SLC35F4: variants seen among roughly 807,000 people sequenced by gnomAD.
SLC35F4 encodes the protein chromosome 14 open reading frame 36.
In SLC35F4, 24 loss-of-function variants were observed where a neutral mutation model predicts 44.2. That is an observed-to-expected ratio of 0.54 (90% CI 0.39 to 0.76). The LOEUF is 0.76. SLC35F4 is among the 30% of genes least tolerant of loss of function. The pLI, the probability that SLC35F4 is intolerant of heterozygous loss-of-function variation, is 0.00. For missense variants in SLC35F4, 562 were observed against 586.1 expected (o/e 0.96, Z 0.42); for synonymous variants, 238 against 223.6 (o/e 1.06, Z -0.57).
chr14:57,861,375 T>A (rs575592928), intron 1 of SLC35F4, among the ~76,000 whole-genome samples: 1 of 152,332 alleles, frequency 6.6e-6, no homozygotes, highest in South Asian at 2.1e-4. Flanking sequence ...CTAGTTTCCA[T>A]ACACTATCTC....
intron 1 of SLC35F4, among the ~76,000 whole-genome samples, chr14:57,609,845 G>A (rs776447977): frequency 1.3e-5 from 2 of 152,048 alleles, no homozygotes; most frequent in South Asian, 2.1e-4. Context: ...TTGCCCCTCC[G>A]CTTCCCCACA....
chr14:57,714,096 A>C (rs1049298430), intron 1 of SLC35F4, among the ~76,000 whole-genome samples: 2 of 152,212 alleles, frequency 1.3e-5, no homozygotes, highest in Admixed American at 1.3e-4. Context: ...TTATTGATAC[A>C]AACTTAGCAT....
chr14:57,663,579 T>G (rs901966510), intron 1 of SLC35F4, among the ~76,000 whole-genome samples: 3 of 152,158 alleles, frequency 2.0e-5, no homozygotes, highest in African/African-American at 7.2e-5. Context: ...CAGCATGAAG[T>G]TGCACACATC....
intron 1 of SLC35F4, among the ~76,000 whole-genome samples, chr14:57,727,535 C>T (rs2076235322): frequency 6.6e-6 from 1 of 151,104 alleles, no homozygotes; most frequent in Non-Finnish European, 1.5e-5. Flanking sequence ...TATAGCTATA[C>T]ACTTTCCTCC....
At chr14:57,708,595 G>C (rs1335134193) in intron 1 of SLC35F4, among the ~76,000 whole-genome samples, 1 of 152,194 alleles carries the variant, frequency 6.6e-6, no homozygotes, top group Admixed American at 6.5e-5. Flanking sequence ...TGAGAAACTT[G>C]TTGGGAACTT....
At chr14:57,668,813 G>A (rs2074409246) in intron 1 of SLC35F4, among the ~76,000 whole-genome samples, 1 of 152,076 alleles carries the variant, frequency 6.6e-6, no homozygotes, top group Admixed American at 6.5e-5. Context: ...GGCGATGCGG[G>A]CTCTTTTTTG....
chr14:57,834,817 C>G (rs138586164), intron 1 of SLC35F4, among the ~76,000 whole-genome samples: 8 of 152,132 alleles, frequency 5.3e-5, no homozygotes, highest in Non-Finnish European at 8.8e-5. Flanking sequence ...GTCAGGAGTT[C>G]GAGACCAGCA....
At chr14:57,948,727 G>C (rs1890080974) in intron 1 of SLC35F4, among the ~76,000 whole-genome samples, 2 of 152,026 alleles carry the variant, frequency 1.3e-5, no homozygotes, top group African/African-American at 4.8e-5. Context: ...GTTTTGATAA[G>C]TTGTGACACT....
intron 1 of SLC35F4, among the ~76,000 whole-genome samples, chr14:57,695,964 C>A (rs1309367415): frequency 6.6e-6 from 1 of 151,992 alleles, no homozygotes; most frequent in Non-Finnish European, 1.5e-5. Flanking sequence ...AATGTAAAAC[C>A]TAAAGCCAGA....
chr14:57,717,502 G>T (rs888771244), intron 1 of SLC35F4, among the ~76,000 whole-genome samples: 1 of 152,122 alleles, frequency 6.6e-6, no homozygotes, highest in Non-Finnish European at 1.5e-5. Flanking sequence ...CAGGCGTGGT[G>T]TCGGGCGCCT....
At chr14:57,733,837 T>C (rs991958903) in intron 1 of SLC35F4, among the ~76,000 whole-genome samples, 2 of 152,090 alleles carry the variant, frequency 1.3e-5, no homozygotes, top group East Asian at 1.9e-4. Flanking sequence ...TAAAGGATAA[T>C]GCTTGCCATT....
chr14:57,757,242 T>C (rs572862809), intron 1 of SLC35F4, among the ~76,000 whole-genome samples: 243 of 152,304 alleles, frequency 1.6e-3, no homozygotes, highest in African/African-American at 5.6e-3. Flanking sequence ...AGCATTTTCA[T>C]GGTTTATGTT....
intron 1 of SLC35F4, among the ~76,000 whole-genome samples, chr14:57,612,472 C>A (rs1260146567): frequency 1.3e-5 from 2 of 152,230 alleles, no homozygotes; most frequent in Admixed American, 6.5e-5. Context: ...CCTATAGCGG[C>A]ATTCCTTGAC....
intron 1 of SLC35F4, among the ~76,000 whole-genome samples, chr14:57,968,823 C>T (rs1461065211): frequency 6.6e-6 from 1 of 152,146 alleles, no homozygotes; most frequent in Non-Finnish European, 1.5e-5. Flanking sequence ...AATTAAACTT[C>T]CCCATATTAT....
chr14:57,949,790 A>G (rs1326355478), intron 1 of SLC35F4, among the ~76,000 whole-genome samples: 1 of 152,116 alleles, frequency 6.6e-6, no homozygotes, highest in Admixed American at 6.5e-5. Context: ...TATGAAACTT[A>G]GTTTTGCTGA....
chr14:57,680,806 T>C (rs2074871495), intron 1 of SLC35F4, among the ~76,000 whole-genome samples: 1 of 152,036 alleles, frequency 6.6e-6, no homozygotes, highest in Non-Finnish European at 1.5e-5. Flanking sequence ...GGAATTCAAC[T>C]TATAAGGGAT....
chr14:57,899,328 C>A (rs754439917), intron 1 of SLC35F4, among the ~76,000 whole-genome samples: 16 of 152,104 alleles, frequency 1.1e-4, no homozygotes, highest in Non-Finnish European at 1.9e-4. Context: ...TGCCCCAGGT[C>A]CCAGAGAGGA....
At chr14:57,759,684 C>T (rs2077077823) in intron 1 of SLC35F4, among the ~76,000 whole-genome samples, 1 of 152,178 alleles carries the variant, frequency 6.6e-6, no homozygotes, top group Admixed American at 6.5e-5. Context: ...TCTCCAAACT[C>T]TTGCCAACAC....
chr14:57,954,941 T>A (rs1890209093), intron 1 of SLC35F4, among the ~76,000 whole-genome samples: 3 of 115,084 alleles, frequency 2.6e-5, no homozygotes, highest in Admixed American at 9.7e-5. Flanking sequence ...GCCAGCATCA[T>A]CCTGATTAAA....
Sources: allele counts gnomAD v4.1 joint callset (sites outside exome capture counted in the v4.1 genomes callset), GRCh38; gene constraint gnomAD v4.1.1; transcripts MANE v1.5; gene names NCBI Gene and HGNC (gene_info 2026-07-23, HGNC 2026-07-21).